Variants in FHIP2B observed in about 807,000 individuals in gnomAD.
The protein encoded by FHIP2B is FHF complex subunit HOOK-interacting protein 2B.
A neutral mutation model predicts 84.0 loss-of-function variants in FHIP2B; 72 were observed. The ratio of observed to expected loss-of-function variants is 0.86; its 90% CI spans 0.71 to 1.04. The LOEUF (loss-of-function observed/expected upper bound fraction) is 1.04. Among genes scored for constraint, FHIP2B ranks in the 50% least tolerant of loss-of-function variants. The pLI is 0.00. For missense variants in FHIP2B, 972 were observed against 968.9 expected (o/e 1.00, Z -0.04); for synonymous variants, 497 against 418.7 (o/e 1.19, Z -2.28).
chr8:22,096,007 G>T, intron 2 of FHIP2B: 1 of 199,068 alleles, frequency 5.0e-6, no homozygotes, highest in Non-Finnish European at 1.0e-5. Context: ...GCCCAGAGCT[G>T]ACAGCAGCCT....
chr8:22,090,617 T>C (rs1412941419), intron 1 of FHIP2B, among the ~76,000 whole-genome samples: 1 of 152,064 alleles, frequency 6.6e-6, no homozygotes, highest in African/African-American at 2.4e-5. Flanking sequence ...GAGGAGTGAA[T>C]TTCTTTCTTT....
chr8:22,097,817 A>G lies in FHIP2B; in HGVS notation c.503A>G (p.Glu168Gly). Residue 168 changes from glutamate to glycine, a missense_variant, in exon 5 of 17, where the codon GAG (glutamate) becomes GGG (glycine). Transcript: ENST00000289921. ...VLCSKIQQDP[E>G]LLAYILEGKK... is the part of the protein sequence containing the mutation. ...TGCTCCAAGATCCAGCAGGACCCAG[A>G]GCTGCTCGCCTACATCCTGGAAGTG... 3 of 1,613,466 alleles carry G rather than the reference A, an allele frequency of 1.9e-6. No individual in the cohort carries two copies. The highest frequency in any genetic ancestry group is 1.1e-5 in the South Asian group (1 of 91,078).
At chr8:22,089,420 C>A (rs924985586) in intron 1 of FHIP2B, 122 bp downstream of exon 1, 2 of 450,890 alleles carry the variant, frequency 4.4e-6, no homozygotes, top group Non-Finnish European at 2.9e-6. Flanking sequence ...CGGGCAGGGA[C>A]CCCCGGGCCG....
chr8:22,100,764 A>T lies in FHIP2B; in HGVS notation c.1487+25A>T, dbSNP rs1179049183. 9 of 1,606,720 alleles carry T rather than the reference A, an allele frequency of 5.6e-6. No homozygotes were observed. In the African/African-American group the frequency reaches 8.0e-5, roughly 14 times the overall value. On this transcript the variant is annotated intron_variant, in intron 11 of 16. Transcript: ENST00000289921. ...TGTAAGTGAAACCGGCGCCCTTTGG[A>T]CTCAGCCCAGCCCTTAGCACTCGCA...
rs1586337444 is a variant in FHIP2B at position 22,099,456 on chromosome 8, ACCAGAATC to A, written c.1151+100_1151+107del. On this transcript the variant is annotated intron_variant, in intron 9 of 16. Coordinates refer to ENST00000289921, the MANE Select transcript of FHIP2B (RefSeq NM_022749.7). ...GTCCCTAAGGCCAGACACCTTCTTG[ACCAGAATC>A]CCATTTGTGGACCCCATTGGGTGAT... The A allele has an allele frequency of 9.7e-6, 13 of 1,335,088 alleles. 1 individual carries two copies. The East Asian group carries it at 3.2e-4, about 33-fold the overall frequency. 82.7% of individuals were successfully genotyped at this position (1,335,088 alleles called of 1,614,324 possible). A position where few individuals can be genotyped will look rare whatever the true frequency, so the allele number is the denominator to read the frequency against.
At chr8:22,102,660 G>T in intron 16 of FHIP2B, 32 bp downstream of exon 16, 1 of 1,566,288 alleles carries the variant, frequency 6.4e-7, no homozygotes, top group East Asian at 2.4e-5. Flanking sequence ...TGAAGCCTTG[G>T]GGTGGGAGAG....
At position 22,098,242 on chromosome 8, in the gene FHIP2B, G is replaced by A. The variant is rs201195171; in HGVS notation, c.700G>A (p.Glu234Lys). 9.9e-5 allele frequency: 158 copies of A among 1,594,128 alleles called. 1 individual carries two copies. Among genetic ancestry groups the A allele is most frequent in the African/African-American group, 8.3e-4 (62 of 74,414 alleles). ...ALNSHMPAET[E>K]ELDGGTTESN... ...GAACAGCCACATGCCTGCTGAGACCGAGGAGCTGGACGGTGGGACCACAGA... is the reference window on the plus strand; with the variant it reads ...GAACAGCCACATGCCTGCTGAGACCAAGGAGCTGGACGGTGGGACCACAGA... Residue 234 changes from glutamate to lysine, a missense_variant, in exon 6 of 17, where the codon GAG (glutamate) becomes AAG (lysine). By Grantham distance (56) the Glu-to-Lys change is moderately conservative. Transcript: ENST00000289921.
chr8:22,094,522 C>T lies in FHIP2B; in HGVS notation c.124+4C>T, dbSNP rs376462849. ...CACTACTACATCGAGAGCACAGGTGCGGCCTGGCCCTCCCCAGCCCAGGGA... is the reference window on the plus strand; with the variant it reads ...CACTACTACATCGAGAGCACAGGTGTGGCCTGGCCCTCCCCAGCCCAGGGA... On this transcript the variant is annotated splice_donor_region_variant and intron_variant, in intron 2 of 16. Transcript: ENST00000289921. The T allele has an allele frequency of 2.3e-5, 37 of 1,609,526 alleles. No individual in the cohort carries two copies. The highest frequency in any genetic ancestry group is 1.2e-4 in the African/African-American group (9 of 74,634).
In FHIP2B at chr8:22,093,850, TG is replaced by T. The variant is rs1825628494; in HGVS notation, c.46-587del. On this transcript the variant is annotated intron_variant, in intron 1 of 16. Coordinates refer to ENST00000289921, the MANE Select transcript of FHIP2B (RefSeq NM_022749.7). ...CTCGCACCCCAGCCTCCCAAGTAGC[TG>T]GGACTATAGGCAGACACCACCACGT... is the stretch of plus-strand genomic sequence containing the variant. Among the ~76,000 whole-genome samples the T allele has an allele frequency of 3.3e-5, 5 of 149,886 alleles. No individual in the cohort carries two copies. The South Asian group carries it at 1.1e-3, about 32-fold the overall frequency.
chr8:22,102,891 C>G lies in FHIP2B; in HGVS notation c.2192C>G (p.Pro731Arg). The part of the protein sequence containing the change: ...IAFVKFPPHD[P>R]RQNVSPAPEG... ...TTCGTCAAGTTTCCCCCACATGATC[C>G]TCGCCAGAACGTCTCCCCAGCCCCG... The change falls in exon 17 of 17, where the codon CCT becomes CGT. Residue 731 changes from proline to arginine, a missense_variant. Physicochemically the swap from Pro to Arg is moderately radical, Grantham distance 103 (BLOSUM62 -2). Transcript: ENST00000289921. The G allele has an allele frequency of 1.9e-6, 3 of 1,613,742 alleles. No homozygotes were observed. The highest frequency in any genetic ancestry group is 2.5e-6 in the Non-Finnish European group (3 of 1,179,846).
At position 22,104,547 on chromosome 8, in the gene FHIP2B, A is replaced by T. The variant is rs983526078; in HGVS notation, c.*1616A>T. 6.6e-5 allele frequency: 10 copies of T among 152,066 alleles called. No individual in the cohort carries two copies. The highest frequency in any genetic ancestry group is 2.4e-4 in the African/African-American group (10 of 41,406). The allele number at this position is 152,066 out of a possible 1,614,324, so 9.4% of individuals were successfully genotyped here. ...AGGCTCTGGCAGTGCAGATCTGCTG[A>T]TCCTCAGCGCCTGCCAGGAGCCAGA... On this transcript the variant is annotated 3_prime_UTR_variant, in exon 17 of 17. Coordinates refer to ENST00000289921, the MANE Select transcript of FHIP2B (RefSeq NM_022749.7).
At chr8:22,095,540 C>G (rs1825718519) in intron 2 of FHIP2B, 1 of 152,282 alleles carries the variant, frequency 6.6e-6, no homozygotes. Flanking sequence ...GAGCCTCAGT[C>G]CACCAGCTCA....
chr8:22,092,076 G>T (rs1825520470), intron 1 of FHIP2B, among the ~76,000 whole-genome samples: 1 of 152,126 alleles, frequency 6.6e-6, no homozygotes, highest in South Asian at 2.1e-4. Context: ...TGGAATAACT[G>T]TGGGTGGTGC....
chr8:22,091,240 CTTTTTTTTTTTTTT>C (rs71204535), intron 1 of FHIP2B, among the ~76,000 whole-genome samples: 82,559 of 119,192 alleles, frequency 0.69, 25,693 homozygotes, highest in Admixed American at 0.77. Context: ...ATCATTACAG[CTTTTTTTTTTTTTT>C]TTTTTTTTTT....
intron 1 of FHIP2B, chr8:22,089,861 A>C (rs1203204406): frequency 7.9e-6 from 10 of 1,271,000 alleles, no homozygotes; most frequent in Non-Finnish European, 1.0e-5. Context: ...AAGGGTAAAG[A>C]CCCGGGGCAG....
Position 22,103,288 on chromosome 8 carries a change from G to A in FHIP2B, c.*357G>A. ...GCCTGTGACTCAACTCCAGGGGCAA[G>A]ATGGGGAGTGAGCTGATGGCTCCGA... On this transcript the variant is annotated 3_prime_UTR_variant, in exon 17 of 17. Transcript: ENST00000289921. 4.2e-6 allele frequency: 1 copy of A among 236,480 alleles called. No homozygotes were observed. The allele number at this position is 236,480 out of a possible 1,614,324, so 14.6% of individuals were successfully genotyped here.
At position 22,101,840 on chromosome 8, in the gene FHIP2B, A is replaced by C. The variant is rs1182375750; in HGVS notation, c.1840A>C (p.Ile614Leu). 6.2e-7 allele frequency: 1 copy of C among 1,613,372 alleles called. No homozygotes were observed. The highest frequency in any genetic ancestry group is 8.5e-7 in the Non-Finnish European group (1 of 1,179,728). Residue 614 changes from isoleucine to leucine, a missense_variant, in exon 14 of 17, where the codon ATT becomes CTT. Physicochemically the swap from Ile to Leu is conservative, Grantham distance 5. Coordinates refer to ENST00000289921, the MANE Select transcript of FHIP2B (RefSeq NM_022749.7). ...LRVLFDRMSR[I>L]LDQPYSLNLQ... ...AGTGCTGTTTGACCGCATGTCCCGG[A>C]TTCTGGATCAGGTAGCTAGTGGGCC...
intron 12 of FHIP2B, chr8:22,101,201 T>C: frequency 4.5e-6 from 3 of 659,506 alleles, no homozygotes; most frequent in Non-Finnish European, 7.6e-6. Context: ...TTTTATAGTT[T>C]TAGTAGAGAC....
chr8:22,094,376 C>G (rs1354958353), intron 1 of FHIP2B, 64 bp from the exon 2 acceptor site: 1 of 1,499,658 alleles, frequency 6.7e-7, no homozygotes, highest in East Asian at 2.5e-5. Context: ...TATCTGTTCC[C>G]ATGCGGGCAG....
Sources: allele counts gnomAD v4.1 joint callset (sites outside exome capture counted in the v4.1 genomes callset), GRCh38; gene constraint gnomAD v4.1.1; transcripts MANE v1.5; gene names NCBI Gene and HGNC (gene_info 2026-07-23, HGNC 2026-07-21).